PI15: variants seen among roughly 807,000 people sequenced by gnomAD.
PI15 encodes the protein peptidase inhibitor 15.
A neutral mutation model predicts 31.0 loss-of-function variants in PI15; 18 were observed. The ratio of observed to expected loss-of-function variants is 0.58; its 90% CI spans 0.40 to 0.86. The LOEUF (loss-of-function observed/expected upper bound fraction) is 0.86. PI15 is among the 40% of genes least tolerant of loss of function. The probability of loss-of-function intolerance (pLI) is 0.00; values close to 1 mark genes in which losing one functional copy is unlikely to be tolerated. For synonymous variants in PI15, 118 were observed against 119.1 expected, an observed-to-expected ratio of 0.99 and a Z score of 0.06; for missense variants, 282 against 328.1, an observed-to-expected ratio of 0.86 and a Z score of 1.09.
At position 74,849,549 on chromosome 8, in the gene PI15, T is replaced by C. The variant is rs181822156; in HGVS notation, c.*296T>C. 4.4e-4 allele frequency: 111 copies of C among 254,544 alleles called. 1 individual carries two copies. The highest frequency in any genetic ancestry group is 2.3e-3 in the African/African-American group (102 of 44,236). 15.8% of individuals were successfully genotyped at this position (254,544 alleles called of 1,614,324 possible). ...CTTACATTCCAAAGGAATTATATCA[T>C]TATGTTCCTAAGGAGTAAATATATA... On this transcript the variant is annotated 3_prime_UTR_variant, in exon 6 of 6. Transcript: ENST00000260113.
intron 2 of PI15, among the ~76,000 whole-genome samples, chr8:74,837,284 G>A (rs1413051931): frequency 6.6e-6 from 1 of 151,950 alleles, no homozygotes; most frequent in African/African-American, 2.4e-5. Flanking sequence ...CTCTTACAGA[G>A]AACTATTTTA....
intron 2 of PI15, chr8:74,826,392 A>G: frequency 2.9e-6 from 1 of 348,380 alleles, no homozygotes; most frequent in Non-Finnish European, 4.0e-6. Flanking sequence ...ACAGTTTTAT[A>G]TGTGCTGAAT....
At chr8:74,839,752 C>T (rs551625730) in intron 2 of PI15, among the ~76,000 whole-genome samples, 1 of 152,274 alleles carries the variant, frequency 6.6e-6, no homozygotes, top group South Asian at 2.1e-4. Flanking sequence ...TGCATATTTA[C>T]TAGGCATTTC....
intron 2 of PI15, among the ~76,000 whole-genome samples, chr8:74,831,798 G>A (rs1052087626): frequency 1.3e-5 from 2 of 152,084 alleles, no homozygotes; most frequent in African/African-American, 4.8e-5. Context: ...TTATACAGGT[G>A]TGAGTTAAGG....
chr8:74,833,546 G>C (rs2128764141), intron 2 of PI15, among the ~76,000 whole-genome samples: 1 of 152,068 alleles, frequency 6.6e-6, no homozygotes, highest in African/African-American at 2.4e-5. Context: ...GTGATCAAAA[G>C]TGCACCTCAC....
rs1169472533 is a variant in PI15, at chr8:74,845,162, T to C, written c.427T>C (p.Tyr143His). 6.2e-7 allele frequency: 1 copy of C among 1,612,714 alleles called. No individual in the cohort carries two copies. Among genetic ancestry groups the C allele is most frequent in the South Asian group, 1.1e-5 (1 of 91,050 alleles). The change falls in exon 4 of 6, where the codon TAT (tyrosine) becomes CAT (histidine). Residue 143 changes from tyrosine to histidine, a missense_variant. Transcript: ENST00000260113. ...RSILQLVKPW[Y>H]DEVKDYAFPY... ...TATTCTCCAGTTGGTCAAGCCATGG[T>C]ATGATGAAGTGAAAGATTATGCTTT...
chr8:74,843,655 G>A (rs1230758152), intron 2 of PI15, among the ~76,000 whole-genome samples: 5 of 152,106 alleles, frequency 3.3e-5, no homozygotes, highest in Non-Finnish European at 7.3e-5. Context: ...CTTGAGGCTC[G>A]GAGTTCGTGA....
rs1811105206 is a variant in PI15 at position 74,851,613 on chromosome 8, A to G, written c.*2360A>G. ...GAACTCTGTTTAATTCTTTGTATTT[A>G]TCCCAGCTTCTTAAATGGTGGCTGT... On this transcript the variant is annotated 3_prime_UTR_variant, in exon 6 of 6. Coordinates refer to ENST00000260113, the MANE Select transcript of PI15 (RefSeq NM_015886.5). The G allele has an allele frequency of 6.6e-6, 1 of 152,070 alleles. No homozygotes were observed. Among genetic ancestry groups the G allele is most frequent in the Non-Finnish European group, 1.5e-5 (1 of 67,930 alleles). 9.4% of individuals were successfully genotyped at this position (152,070 alleles called of 1,614,324 possible).
chr8:74,838,725 T>C (rs1469906998), intron 2 of PI15, among the ~76,000 whole-genome samples: 1 of 152,184 alleles, frequency 6.6e-6, no homozygotes, highest in Admixed American at 6.6e-5. Flanking sequence ...ATTTTTATAT[T>C]TGAAGTTAAA....
At chr8:74,835,194 A>AT (rs566098742) in intron 2 of PI15, among the ~76,000 whole-genome samples, 1 of 151,966 alleles carries the variant, frequency 6.6e-6, no homozygotes, top group East Asian at 1.9e-4. Flanking sequence ...TTACTTTAGA[A>AT]TTTTTTTTAT....
At chr8:74,828,934 C>T (rs1241287623) in intron 2 of PI15, among the ~76,000 whole-genome samples, 2 of 152,116 alleles carry the variant, frequency 1.3e-5, no homozygotes, top group Non-Finnish European at 2.9e-5. Context: ...ATATCCATGA[C>T]CACAGATGAT....
In PI15 at chr8:74,849,100, T is replaced by G; in HGVS notation, c.642-18T>G. 6.2e-7 allele frequency: 1 copy of G among 1,607,140 alleles called. No homozygotes were observed. Among genetic ancestry groups the G allele is most frequent in the South Asian group, 1.1e-5 (1 of 89,590 alleles). On this transcript the variant is annotated intron_variant, in intron 5 of 5. Transcript: ENST00000260113. ...GGGTGGGTTGCACTAATGCTATCTT[T>G]TTTGTTTTCCCTTCTAGGGGCAATT...
Position 74,825,269 on chromosome 8 carries a change from T to G in PI15, c.20T>G (p.Val7Gly), listed in dbSNP as rs376840254. MIAISAVSSALLFSLLC... is the reference protein window; with the variant it reads MIAISAGSSALLFSLLC... ...CTCAAAATGATAGCAATCTCTGCCG[T>G]CAGCAGTGCACTCCTGTTCTCCCTT... The change falls in exon 2 of 6, where the codon GTC becomes GGC. Residue 7 changes from valine to glycine, a missense_variant. Coordinates refer to ENST00000260113, the MANE Select transcript of PI15 (RefSeq NM_015886.5). 1 of 1,613,310 alleles carries G rather than the reference T, an allele frequency of 6.2e-7. No individual in the cohort carries two copies. The highest frequency in any genetic ancestry group is 8.5e-7 in the Non-Finnish European group (1 of 1,179,564).
Position 74,852,624 on chromosome 8 carries a change from C to A in PI15, c.*3371C>A, listed in dbSNP as rs529882580. ...TAGCACAGAGTTGACCAAACACTGG[C>A]GTAAGTTCAATTTACACAGAATATT... On this transcript the variant is annotated 3_prime_UTR_variant, in exon 6 of 6. Coordinates refer to ENST00000260113, the MANE Select transcript of PI15 (RefSeq NM_015886.5). The A allele has an allele frequency of 6.6e-6, 1 of 151,946 alleles. No homozygotes were observed. 9.4% of individuals were successfully genotyped at this position (151,946 alleles called of 1,614,324 possible).
rs1011147259 is a variant in PI15 at position 74,853,569 on chromosome 8, A to G, written c.*4316A>G. 1 of 152,540 alleles carries G rather than the reference A, an allele frequency of 6.6e-6. No homozygotes were observed. The highest frequency in any genetic ancestry group is 1.5e-5 in the Non-Finnish European group (1 of 67,968). 9.4% of individuals were successfully genotyped at this position (152,540 alleles called of 1,614,324 possible). A position where few individuals can be genotyped will look rare whatever the true frequency, so the allele number is the denominator to read the frequency against. ...AACTGGTTAGATTACTTCTACAGCT[A>G]ATAATATTGCAGGCACTGGCGCCCT... On this transcript the variant is annotated 3_prime_UTR_variant, in exon 6 of 6. Transcript: ENST00000260113.
chr8:74,825,008 T>G, intron 1 of PI15: 1 of 534,748 alleles, frequency 1.9e-6, no homozygotes, highest in Non-Finnish European at 3.3e-6. Context: ...TATACAAAGT[T>G]CCTCTTAGGG....
At chr8:74,840,159 A>G (rs1271897077) in intron 2 of PI15, among the ~76,000 whole-genome samples, 3 of 152,160 alleles carry the variant, frequency 2.0e-5, no homozygotes, top group Non-Finnish European at 4.4e-5. Context: ...TAATACATTC[A>G]TATAATTTGT....
At chr8:74,838,871 C>T (rs1470221694) in intron 2 of PI15, among the ~76,000 whole-genome samples, 1 of 152,112 alleles carries the variant, frequency 6.6e-6, no homozygotes, top group Non-Finnish European at 1.5e-5. Context: ...GGATTTAAGA[C>T]AACATCTTCA....
intron 5 of PI15, among the ~76,000 whole-genome samples, chr8:74,846,785 A>G (rs1203000249): frequency 6.6e-6 from 1 of 152,120 alleles, no homozygotes; most frequent in Non-Finnish European, 1.5e-5. Flanking sequence ...TGGGAAAAAG[A>G]GAGACGGAGA....
Sources: allele counts gnomAD v4.1 joint callset (sites outside exome capture counted in the v4.1 genomes callset), GRCh38; gene constraint gnomAD v4.1.1; transcripts MANE v1.5; gene names NCBI Gene and HGNC (gene_info 2026-07-23, HGNC 2026-07-21).